Variants in FRMD4A observed in about 807,000 individuals in gnomAD.
The protein encoded by FRMD4A is FERM domain-containing protein 4A.
FRMD4A carries 29 observed loss-of-function variants against 129.1 expected under a neutral mutation model. That is an observed-to-expected ratio of 0.22 (90% CI 0.17 to 0.31). The LOEUF is 0.31. Among genes scored for constraint, FRMD4A ranks in the 10% least tolerant of loss-of-function variants. The pLI, the probability that FRMD4A is intolerant of heterozygous loss-of-function variation, is 1.00. For synonymous variants in FRMD4A, 634 were observed against 571.6 expected, an observed-to-expected ratio of 1.11 and a Z score of -1.56; for missense variants, 1,272 against 1,375.8, an observed-to-expected ratio of 0.92 and a Z score of 1.19.
chr10:14,296,740 G>A (rs969361377), intron 2 of FRMD4A, among the ~76,000 whole-genome samples: 4 of 152,004 alleles, frequency 2.6e-5, no homozygotes, highest in African/African-American at 7.3e-5. Context: ...CCAATCCCTC[G>A]CCCACTTGGG....
chr10:14,242,823 T>A (rs562240912), intron 2 of FRMD4A, among the ~76,000 whole-genome samples: 1 of 152,194 alleles, frequency 6.6e-6, no homozygotes, highest in Non-Finnish European at 1.5e-5. Flanking sequence ...GAAAGGAGTA[T>A]GAAAGCTCCT....
intron 2 of FRMD4A, among the ~76,000 whole-genome samples, chr10:14,152,364 G>A (rs576076331): frequency 8.9e-4 from 136 of 152,102 alleles, no homozygotes; most frequent in Non-Finnish European, 1.7e-3. Context: ...TCCCGACAAC[G>A]TAATCCGCCC....
chr10:13,879,078 G>C (rs1329247976), intron 2 of FRMD4A, among the ~76,000 whole-genome samples: 4 of 152,122 alleles, frequency 2.6e-5, no homozygotes, highest in Admixed American at 2.6e-4. Context: ...ATATCCAACA[G>C]TATATTTTAA....
intron 2 of FRMD4A, among the ~76,000 whole-genome samples, chr10:14,010,544 A>AC (rs1295232656): frequency 6.7e-6 from 1 of 149,720 alleles, no homozygotes; most frequent in Non-Finnish European, 1.5e-5. Flanking sequence ...GGAGTAGGTG[A>AC]CCCCCTCCTT....
At chr10:14,073,299 G>A (rs1475379629) in intron 2 of FRMD4A, among the ~76,000 whole-genome samples, 1 of 152,140 alleles carries the variant, frequency 6.6e-6, no homozygotes, top group South Asian at 2.1e-4. Context: ...GAGCTGAAGG[G>A]AGGGCTACAA....
chr10:14,185,566 G>A lies in FRMD4A; in HGVS notation c.45+144492C>T, dbSNP rs181538555. 9.0e-3 allele frequency among the ~76,000 whole-genome samples: 1,365 copies of A among 152,266 alleles called. 13 individuals are homozygous for A. Among genetic ancestry groups the A allele is most frequent in the Admixed American group, 0.021 (328 of 15,288 alleles). ...GAAACATAAAGCAAGACTATTTAAA[G>A]GTTCAATCTCGTCTTGTAAGAAAGA... On this transcript the variant is annotated intron_variant, in intron 2 of 24. Coordinates refer to ENST00000357447, the MANE Select transcript of FRMD4A (RefSeq NM_018027.5).
chr10:14,026,150 C>T (rs12765902), intron 2 of FRMD4A, among the ~76,000 whole-genome samples: 4 of 151,920 alleles, frequency 2.6e-5, no homozygotes, highest in Admixed American at 1.3e-4. Flanking sequence ...CTCATGAGAT[C>T]GAGAGGGAAA....
intron 2 of FRMD4A, among the ~76,000 whole-genome samples, chr10:14,186,189 C>T (rs1340624226): frequency 6.6e-6 from 1 of 152,050 alleles, no homozygotes; most frequent in Admixed American, 6.6e-5. Context: ...AAAACTCCCT[C>T]CTCTTATGGG....
At chr10:13,884,777 G>A (rs2094598706) in intron 2 of FRMD4A, among the ~76,000 whole-genome samples, 1 of 152,130 alleles carries the variant, frequency 6.6e-6, no homozygotes, top group South Asian at 2.1e-4. Context: ...AATCTTCCCT[G>A]TTCCCAACAA....
rs911237412 is a variant in FRMD4A, at chr10:13,663,405, T to C, written c.1660+48A>G. The C allele has an allele frequency of 4.0e-6, 4 of 1,002,928 alleles. No individual in the cohort carries two copies. The African/African-American group carries it at 6.3e-5, about 16-fold the overall frequency. 62.1% of individuals were successfully genotyped at this position (1,002,928 alleles called of 1,614,324 possible). ...CCCAGACTACATAGAAATTCATCTC[T>C]GTTTACTCTGAGCTGTAGGTTTGTA... is the stretch of plus-strand genomic sequence containing the variant. On this transcript the variant is annotated intron_variant, in intron 19 of 24. Transcript: ENST00000357447.
At chr10:14,185,574 C>A (rs184826503) in intron 2 of FRMD4A, among the ~76,000 whole-genome samples, 6 of 151,998 alleles carry the variant, frequency 3.9e-5, no homozygotes, top group Non-Finnish European at 7.4e-5. Context: ...AAGGTTCAAT[C>A]TCGTCTTGTA....
At chr10:13,939,097 AGGAAGTG>A (rs1353843672) in intron 2 of FRMD4A, among the ~76,000 whole-genome samples, 1 of 152,188 alleles carries the variant, frequency 6.6e-6, no homozygotes, top group African/African-American at 2.4e-5. Flanking sequence ...GAGGGTTAAG[AGGAAGTG>A]GCAGCTACAC....
intron 2 of FRMD4A, among the ~76,000 whole-genome samples, chr10:14,048,271 T>C (rs1437040212): frequency 1.3e-5 from 2 of 152,170 alleles, no homozygotes; most frequent in Admixed American, 6.5e-5. Flanking sequence ...GGGACTGGAA[T>C]GGATTTGGAC....
At chr10:13,682,407 T>C (rs1182182369) in intron 15 of FRMD4A, among the ~76,000 whole-genome samples, 2 of 151,964 alleles carry the variant, frequency 1.3e-5, no homozygotes, top group Non-Finnish European at 1.5e-5. Context: ...GGTAAGGAAA[T>C]GAGTTTTTAG....
intron 2 of FRMD4A, chr10:14,003,449 G>A (rs1588733127): frequency 6.6e-6 from 1 of 152,212 alleles, no homozygotes; most frequent in East Asian, 1.9e-4. Context: ...CTGTGGGTGT[G>A]GATATTAGAG....
At chr10:13,748,433 T>A (rs1321204866) in intron 8 of FRMD4A, among the ~76,000 whole-genome samples, 1 of 152,202 alleles carries the variant, frequency 6.6e-6, no homozygotes, top group African/African-American at 2.4e-5. Context: ...TTTGACTGTT[T>A]GCATTTATAT....
At chr10:13,695,586 C>T (rs1019300055) in intron 14 of FRMD4A, among the ~76,000 whole-genome samples, 35 of 152,226 alleles carry the variant, frequency 2.3e-4, no homozygotes, top group African/African-American at 8.2e-4. Flanking sequence ...CTGAAGGCAA[C>T]AGGCTTTGCC....
intron 2 of FRMD4A, among the ~76,000 whole-genome samples, chr10:14,165,654 A>G (rs1589112336): frequency 6.6e-6 from 1 of 152,174 alleles, no homozygotes; most frequent in Non-Finnish European, 1.5e-5. Flanking sequence ...GTACATATAC[A>G]CCATAGAATA....
intron 2 of FRMD4A, among the ~76,000 whole-genome samples, chr10:14,143,208 A>T (rs1197761971): frequency 6.6e-6 from 1 of 152,272 alleles, no homozygotes; most frequent in African/African-American, 2.4e-5. Flanking sequence ...TATTTGCAAT[A>T]AACAAGAATT....
Sources: gnomAD v4.1 joint callset for allele counts (sites outside exome capture counted in the v4.1 genomes callset) on GRCh38, gnomAD v4.1.1 for gene constraint, MANE v1.5 for transcripts, NCBI Gene and HGNC (gene_info 2026-07-23, HGNC 2026-07-21) for gene names.